CHD5: variants seen among roughly 807,000 people sequenced by gnomAD.
CHD5 encodes the protein chromodomain helicase DNA binding protein 5, also known as ATP-dependent chromatin remodeler CHD5.
Under a neutral mutation model 230.3 loss-of-function variants are expected in CHD5, and 69 were observed. The observed-to-expected ratio is 0.30, with a 90% CI of 0.25 to 0.37. The LOEUF (loss-of-function observed/expected upper bound fraction) is 0.37. CHD5 is among the 10% of genes least tolerant of loss of function. The pLI is 1.00. For missense variants in CHD5, 1,827 were observed against 2,622.8 expected (o/e 0.70, Z 6.63); for synonymous variants, 1,064 against 1,065.9 (o/e 1.00, Z 0.03).
At chr1:6,172,475 C>T (rs542143727) in intron 1 of CHD5, among the ~76,000 whole-genome samples, 1 of 152,260 alleles carries the variant, frequency 6.6e-6, no homozygotes, top group East Asian at 1.9e-4. Context: ...ACACGCACAA[C>T]CACCACACCT....
In CHD5 at chr1:6,104,877, T is replaced by C. The variant is rs1571132938; in HGVS notation, c.*597A>G. On this transcript the variant is annotated 3_prime_UTR_variant, in exon 42 of 42. Coordinates refer to ENST00000262450, the MANE Select transcript of CHD5 (RefSeq NM_015557.3). ...GGACAGCGGCTCCCCAAACCTGCCC[T>C]GTCTGGTGCTGGGAGGCTCCAAGCG... The C allele has an allele frequency of 6.4e-6, 1 of 155,748 alleles. No homozygotes were observed. Among genetic ancestry groups the C allele is most frequent in the Non-Finnish European group, 1.4e-5 (1 of 70,258 alleles). The allele number at this position is 155,748 out of a possible 1,614,324, so 9.6% of individuals were successfully genotyped here.
At chr1:6,176,826 C>T (rs538767266) in intron 1 of CHD5, among the ~76,000 whole-genome samples, 11 of 152,342 alleles carry the variant, frequency 7.2e-5, no homozygotes, top group African/African-American at 2.4e-4. Flanking sequence ...TCAGCTAATG[C>T]TCAGAGCTAG....
rs1380265142 is a variant in CHD5 at position 6,128,781 on chromosome 1, G to A, written c.3619+57C>T. The stretch of plus-strand genomic sequence containing the variant: ...AGGGACCCAAGCAAGCCCTGGATGG[G>A]TGTCTCAGCCGGGCCACCCCAGTCC... On this transcript the variant is annotated intron_variant, in intron 23 of 41. Coordinates refer to ENST00000262450, the MANE Select transcript of CHD5 (RefSeq NM_015557.3). The surrounding 1 kb of genome is among the most constrained non-coding windows in gnomAD (Gnocchi z 7.8). 6.8e-7 allele frequency: 1 copy of A among 1,472,048 alleles called. No individual in the cohort carries two copies. Among genetic ancestry groups the A allele is most frequent in the Non-Finnish European group, 9.4e-7 (1 of 1,059,288 alleles). 91.2% of individuals were successfully genotyped at this position (1,472,048 alleles called of 1,614,324 possible).
rs545057422 is a variant in CHD5, at chr1:6,175,681, A to AATGGATGGATGGATGG, written c.79+4248_79+4263dup. Among the ~76,000 whole-genome samples the AATGGATGGATGGATGG allele has an allele frequency of 4.1e-3, 602 of 147,812 alleles. 5 individuals are homozygous for AATGGATGGATGGATGG. The highest frequency in any genetic ancestry group is 0.014 in the African/African-American group (548 of 40,022). Reference sequence around the variant, plus strand: ...ATAGTGGATAAGAAGAACAAGAACAAATGGATGGATGGATGGATGGATGGA... The same window carrying AATGGATGGATGGATGG: ...ATAGTGGATAAGAAGAACAAGAACAAATGGATGGATGGATGGATGGATGGATGGATGGATGGATGGA... On this transcript the variant is annotated intron_variant, in intron 1 of 41. Transcript: ENST00000262450.
intron 33 of CHD5, among the ~76,000 whole-genome samples, chr1:6,115,078 C>A (rs1056350008): frequency 2.6e-5 from 4 of 151,462 alleles, no homozygotes; most frequent in African/African-American, 9.7e-5. Flanking sequence ...TTTGGGAGGC[C>A]GAGGCGGGCA....
intron 33 of CHD5, among the ~76,000 whole-genome samples, chr1:6,115,001 G>A (rs925667146): frequency 7.6e-4 from 112 of 147,318 alleles, no homozygotes; most frequent in African/African-American, 2.8e-3. Context: ...GCGACAGAGC[G>A]AGACTCCATC....
chr1:6,125,291 A>G lies in CHD5; in HGVS notation c.4261-58T>C. 1 of 1,500,662 alleles carries G rather than the reference A, an allele frequency of 6.7e-7. No individual in the cohort carries two copies. Among genetic ancestry groups the G allele is most frequent in the Non-Finnish European group, 9.0e-7 (1 of 1,111,992 alleles). 93.0% of individuals were successfully genotyped at this position (1,500,662 alleles called of 1,614,324 possible). A position where few individuals can be genotyped will look rare whatever the true frequency, so the allele number is the denominator to read the frequency against. On this transcript the variant is annotated intron_variant, in intron 28 of 41. Transcript: ENST00000262450. This position sits in a 1 kb window ranked among gnomAD's most constrained non-coding sequence, Gnocchi z 6.7. The stretch of plus-strand genomic sequence containing the variant: ...GGACAGAGAGGGGTGGGGGTGGAGG[A>G]TTCTGGGATGGGGGAAGAAAAGCAT...
At chr1:6,124,173 G>T (rs540156772) in intron 30 of CHD5, 66 bp from the exon 31 acceptor site, 1 of 1,444,066 alleles carries the variant, frequency 6.9e-7, no homozygotes, top group East Asian at 2.3e-5. Flanking sequence ...CAGCCCTAAG[G>T]GCCTCAGGGC....
intron 33 of CHD5, among the ~76,000 whole-genome samples, chr1:6,118,686 A>T (rs1457756176): frequency 1.5e-4 from 22 of 149,576 alleles, no homozygotes; most frequent in Admixed American, 9.9e-4. Flanking sequence ...AAAATAACAA[A>T]TGGTATACTT....
intron 1 of CHD5, among the ~76,000 whole-genome samples, chr1:6,179,705 CG>C (rs1233990976): frequency 6.8e-6 from 1 of 146,556 alleles, no homozygotes. Flanking sequence ...CGTCGCCGCC[CG>C]GGGGGCCCGG....
chr1:6,168,008 G>C, intron 2 of CHD5, 142 bp downstream of exon 2: 1 of 1,019,594 alleles, frequency 9.8e-7, no homozygotes, highest in African/African-American at 1.6e-5. Context: ...CGAGAAACTG[G>C]TTATGGTGTT....
At chr1:6,178,709 G>A (rs1667462927) in intron 1 of CHD5, among the ~76,000 whole-genome samples, 1 of 152,168 alleles carries the variant, frequency 6.6e-6, no homozygotes, top group African/African-American at 2.4e-5. Flanking sequence ...CCGGGCTCCT[G>A]TAGGAGCTCA....
chr1:6,118,127 G>C (rs1326119725), intron 33 of CHD5, among the ~76,000 whole-genome samples: 1 of 152,164 alleles, frequency 6.6e-6, no homozygotes, highest in Non-Finnish European at 1.5e-5. Flanking sequence ...TGTAATCCCA[G>C]CACTTTGGGA....
At chr1:6,173,513 A>C (rs11121407) in intron 1 of CHD5, among the ~76,000 whole-genome samples, 37,157 of 151,958 alleles carry the variant, frequency 0.24, 7,716 homozygotes, top group African/African-American at 0.57. Flanking sequence ...AGAGGCTTCA[A>C]GCTACCCCTC....
In CHD5 at chr1:6,124,668, T is replaced by TGGG. The variant is rs760160713; in HGVS notation, c.4395-10_4395-8dup. On this transcript the variant is annotated splice_region_variant and splice_polypyrimidine_tract_variant and intron_variant, in intron 29 of 41. Transcript: ENST00000262450. ...GAAGAGGGACACATAGGCTCTGGGG[T>TGGG]GGGGGGGGGGGACTGGGGCTCAGGG... is the stretch of plus-strand genomic sequence containing the variant. 7.7e-5 allele frequency: 33 copies of TGGG among 426,726 alleles called. 1 individual carries two copies. The highest frequency in any genetic ancestry group is 6.3e-4 in the African/African-American group (19 of 30,376). The allele number at this position is 426,726 out of a possible 1,614,324, so 26.4% of individuals were successfully genotyped here.
At position 6,129,404 on chromosome 1, in the gene CHD5, G is replaced by A. The variant is rs570493694; in HGVS notation, c.3388-335C>T. Among the ~76,000 whole-genome samples the A allele has an allele frequency of 1.6e-4, 24 of 152,174 alleles. No individual in the cohort carries two copies. The highest frequency in any genetic ancestry group is 2.2e-4 in the Non-Finnish European group (15 of 68,026). On this transcript the variant is annotated intron_variant, in intron 22 of 41. Transcript: ENST00000262450. This position sits in a 1 kb window ranked among gnomAD's most constrained non-coding sequence, Gnocchi z 6.8. ...CCACACAGAGCTTCGTGGGGGCCAC[G>A]GGGAGGTAGGAGGCTGCATTTCCCT...
rs1321101634 is a variant in CHD5 at position 6,154,650 on chromosome 1, C to G, written c.745+10G>C. On this transcript the variant is annotated intron_variant, in intron 5 of 41. Transcript: ENST00000262450. This position sits in a 1 kb window ranked among gnomAD's most constrained non-coding sequence, Gnocchi z 7.0. ...AGCGGGACTAGGTGCCCACCCAACCCCAGCCTTACCTTTGCCCTCCTTGGT... is the reference window on the plus strand; with the variant it reads ...AGCGGGACTAGGTGCCCACCCAACCGCAGCCTTACCTTTGCCCTCCTTGGT... 1.3e-6 allele frequency: 2 copies of G among 1,543,766 alleles called. No homozygotes were observed. Among genetic ancestry groups the G allele is most frequent in the Non-Finnish European group, 1.7e-6 (2 of 1,143,676 alleles).
chr1:6,168,094 G>A (rs1272582591), intron 2 of CHD5, 56 bp downstream of exon 2: 3 of 1,552,962 alleles, frequency 1.9e-6, no homozygotes, highest in African/African-American at 1.4e-5. Context: ...CGGCCGGGCA[G>A]ATGCAGCCAC....
chr1:6,152,936 A>T (rs554557759), intron 5 of CHD5, among the ~76,000 whole-genome samples: 1 of 152,330 alleles, frequency 6.6e-6, no homozygotes, highest in East Asian at 1.9e-4. Context: ...GATGTCTTGG[A>T]GCCAAAAGGC....
Sources: allele counts gnomAD v4.1 joint callset (sites outside exome capture counted in the v4.1 genomes callset), GRCh38; gene constraint gnomAD v4.1.1; non-coding constraint Gnocchi (gnomAD v3.1); transcripts MANE v1.5; gene names NCBI Gene and HGNC (gene_info 2026-07-23, HGNC 2026-07-21).